Variants in PARP10 observed in about 807,000 individuals in gnomAD.
PARP10 encodes protein mono-ADP-ribosyltransferase PARP10.
Under a neutral mutation model 82.4 loss-of-function variants are expected in PARP10, and 56 were observed. That is an observed-to-expected ratio of 0.68 (90% confidence interval 0.55 to 0.85). The LOEUF (loss-of-function observed/expected upper bound fraction) is 0.85. PARP10 is among the 40% of genes least tolerant of loss of function. The pLI is 0.00. For missense variants in PARP10, 1,227 were observed against 1,379.4 expected (o/e 0.89, Z 1.75); for synonymous variants, 576 against 601.1 (o/e 0.96, Z 0.61).
At chr8:144,005,251 A>G (rs1554752010) in intron 1 of PARP10, among the ~76,000 whole-genome samples, 1 of 151,844 alleles carries the variant, frequency 6.6e-6, no homozygotes, top group East Asian at 1.9e-4. Flanking sequence ...ACCAAGTCCG[A>G]GATGAGCTGC....
At position 143,984,574 on chromosome 8, in the gene PARP10, T is replaced by C; in HGVS notation, c.1428A>G (p.Pro476=). Residue 476 remains proline, a synonymous_variant, in exon 5 of 11, where the codon CCA becomes CCG. Transcript: ENST00000313028. ...AGCCAGTCATATCCGGTCCTTCAAG[T>C]GGCAAGAGAGCGACGTCTCCCAGGC... ...LAGLGDVALL[P]LEGPDMTGFR... 6.2e-7 allele frequency: 1 copy of C among 1,613,156 alleles called. No individual in the cohort carries two copies. Among genetic ancestry groups the C allele is most frequent in the Non-Finnish European group, 8.5e-7 (1 of 1,179,544 alleles).
At position 143,997,334 on chromosome 8, in the gene PARP10, C is replaced by T. The variant is rs142281454; in HGVS notation, c.-79-10896G>A. Among the ~76,000 whole-genome samples the T allele has an allele frequency of 2.3e-3, 348 of 152,280 alleles. 2 individuals carry two copies. The highest frequency in any genetic ancestry group is 7.9e-3 in the African/African-American group (328 of 41,552). On this transcript the variant is annotated intron_variant, in intron 1 of 3. Coordinates refer to the PARP10 transcript ENST00000530478. The stretch of plus-strand genomic sequence containing the variant: ...GCCCTTTCACTGCAACTTCCAAACC[C>T]GAGGCTGTCGTGCAACTCCTTCCTC...
chr8:143,995,401 G>A (rs532761657), upstream of PARP10, among the ~76,000 whole-genome samples: 17 of 152,318 alleles, frequency 1.1e-4, no homozygotes, highest in African/African-American at 3.6e-4. Context: ...GGGCACAGCC[G>A]AAGGCCAGTG....
At position 143,982,938 on chromosome 8, in the gene PARP10, G is replaced by A. The variant is rs141811386; in HGVS notation, c.2550C>T (p.Val850=). The change falls in exon 9 of 11, where the codon GTC becomes GTT. Residue 850 remains valine (V), a synonymous_variant. Transcript: ENST00000313028. ...TLDAARSSIR[V]VRVERVSHPL... ...AGACAGGGCATGGACTCACACGAAC[G>A]ACGCGGATGCTGCTGCGGGCAGCGT... 92 of 1,613,552 alleles carry A rather than the reference G, an allele frequency of 5.7e-5. 1 individual carries two copies. Among genetic ancestry groups the A allele is most frequent in the Admixed American group, 2.7e-4 (16 of 60,006 alleles).
intron 1 of PARP10, among the ~76,000 whole-genome samples, chr8:144,006,419 G>A (rs1390531797): frequency 1.4e-4 from 22 of 152,370 alleles, no homozygotes; most frequent in African/African-American, 5.3e-4. Context: ...AGAAAGCTGG[G>A]AAGTGGTGCT....
chr8:143,989,270 C>T (rs1264875221), upstream of PARP10, among the ~76,000 whole-genome samples: 3 of 152,228 alleles, frequency 2.0e-5, no homozygotes, highest in Admixed American at 2.0e-4. This position sits in a 1 kb window ranked among gnomAD's most constrained non-coding sequence, Gnocchi z 4.3. Flanking sequence ...GGGAGCTAAG[C>T]AGGGAGGTGG....
At position 143,984,395 on chromosome 8, in the gene PARP10, C is replaced by G. The variant is rs777184990; in HGVS notation, c.1495G>C (p.Glu499Gln). 6 of 1,611,648 alleles carry G rather than the reference C, an allele frequency of 3.7e-6. No homozygotes were observed. The Admixed American group carries it at 5.0e-5, about 13-fold the overall frequency. Reference sequence around the variant, plus strand: ...CTGCCCAGCAGGCTCCGCAGAAACTCCTCAGCCGCCTGGCAGGAAGCCTGG... The same window carrying G: ...CTGCCCAGCAGGCTCCGCAGAAACTGCTCAGCCGCCTGGCAGGAAGCCTGG... ...GAQASCQAAEEFLRSLLGSIS... is the reference protein window; with the variant it reads ...GAQASCQAAEQFLRSLLGSIS... The change falls in exon 6 of 11, where the codon GAG (glutamate) becomes CAG (glutamine). Residue 499 changes from glutamate (E) to glutamine (Q), a missense_variant. Physicochemically the swap from Glu to Gln is conservative, Grantham distance 29. Transcript: ENST00000313028.
At position 143,984,200 on chromosome 8, in the gene PARP10, C is replaced by T; in HGVS notation, c.1680+10G>A. On this transcript the variant is annotated intron_variant, in intron 6 of 10. Coordinates refer to ENST00000313028, the MANE Select transcript of PARP10 (RefSeq NM_032789.5). ...GAAAGGGGAGGGCAGGGGTGGGACT[C>T]CATCTCTACCTCTTCAAGGCCTGTG... 1 of 1,607,622 alleles carries T rather than the reference C, an allele frequency of 6.2e-7. No homozygotes were observed. Among genetic ancestry groups the T allele is most frequent in the Non-Finnish European group, 8.5e-7 (1 of 1,174,868 alleles).
At position 143,978,969 on chromosome 8, in the gene PARP10, G is replaced by GT. The variant is rs5895791; in HGVS notation, c.2557-889dup. Among the ~76,000 whole-genome samples the GT allele has an allele frequency of 6.6e-3, 958 of 144,798 alleles. 9 individuals carry two copies. Among genetic ancestry groups the GT allele is most frequent in the Admixed American group, 0.032 (460 of 14,554 alleles). 95.0% of individuals were successfully genotyped at this position (144,798 alleles called of 152,430 possible). On this transcript the variant is annotated intron_variant, in intron 9 of 10. Transcript: ENST00000313028. ...TTCAGAGTGAAAGAAAACCCTGCAA[G>GT]TTTTTTTTTTTTTTTTTCTTTGAGA...
chr8:143,983,086 G>A, intron 8 of PARP10, 21 bp from the exon 9 acceptor site: 2 of 1,613,830 alleles, frequency 1.2e-6, no homozygotes, highest in Non-Finnish European at 1.7e-6. Flanking sequence ...GGGAAAAGCG[G>A]GGGGTCAGAG....
intron 1 of PARP10, among the ~76,000 whole-genome samples, chr8:143,997,557 T>A (rs1467623207): frequency 6.8e-6 from 1 of 146,608 alleles, no homozygotes; most frequent in African/African-American, 2.4e-5. Context: ...TAATCTAGCC[T>A]CAGCACCACA....
upstream of PARP10, chr8:143,992,947 C>T (rs1456915711): frequency 6.4e-6 from 6 of 937,066 alleles, no homozygotes; most frequent in Admixed American, 1.4e-4. Flanking sequence ...TCCCCAGGCA[C>T]AGCCTAGGGA....
chr8:143,984,031 C>G lies in PARP10; in HGVS notation c.1754G>C (p.Gly585Ala). 2.0e-6 allele frequency: 3 copies of G among 1,529,532 alleles called. No individual in the cohort carries two copies. Among genetic ancestry groups the G allele is most frequent in the Non-Finnish European group, 2.6e-6 (3 of 1,140,332 alleles). The allele number at this position is 1,529,532 out of a possible 1,614,324, so 94.7% of individuals were successfully genotyped here. A position where few individuals can be genotyped will look rare whatever the true frequency, so the allele number is the denominator to read the frequency against. ...ACCCAGGCTCACGTCCTCCTGGTCA[C>G]CACCTGTACTGTCTGGGGTCCACAG... ...HTLWTPDSTG[G>A]DQEDVSLEEV... The change falls in exon 7 of 11, where the codon GGT becomes GCT. Residue 585 changes from glycine to alanine, a missense_variant. Gly to Ala is a moderately conservative substitution (Grantham distance 60). Coordinates refer to ENST00000313028, the MANE Select transcript of PARP10 (RefSeq NM_032789.5).
intron 1 of PARP10, among the ~76,000 whole-genome samples, chr8:144,009,481 G>A (rs2133084535): frequency 6.6e-6 from 1 of 152,242 alleles, no homozygotes; most frequent in South Asian, 2.1e-4. Context: ...TAGGCACAGT[G>A]GGCTGAAGGC....
chr8:143,980,318 T>TAAAAAAAAAAAAAAAA lies in PARP10; in HGVS notation c.2557-2238_2557-2237insTTTTTTTTTTTTTTTT, dbSNP rs1564247548. ...CTGGGCTACTGAGTGAGATTCCGTCTCAAAAAAAAAAAAAAAAAAAAAAAA... is the reference window on the plus strand; with the variant it reads ...CTGGGCTACTGAGTGAGATTCCGTCTAAAAAAAAAAAAAAAACAAAAAAAAAAAAAAAAAAAAAAAA... On this transcript the variant is annotated intron_variant, in intron 9 of 10. Transcript: ENST00000313028. Among the ~76,000 whole-genome samples, 14 of 15,676 alleles carry TAAAAAAAAAAAAAAAA rather than the reference T, an allele frequency of 8.9e-4. 1 individual carries two copies. Among genetic ancestry groups the TAAAAAAAAAAAAAAAA allele is most frequent in the African/African-American group, 1.9e-3 (14 of 7,188 alleles). 10.3% of individuals were successfully genotyped at this position (15,676 alleles called of 152,430 possible). A position where few individuals can be genotyped will look rare whatever the true frequency, so the allele number is the denominator to read the frequency against.
intron 4 of PARP10, 35 bp downstream of exon 4, chr8:143,985,377 G>T (rs782376308): frequency 1.9e-6 from 3 of 1,594,132 alleles, no homozygotes; most frequent in African/African-American, 2.7e-5. Flanking sequence ...CTGCAGGAGA[G>T]GGACGGTCGG....
chr8:144,009,747 G>T (rs187980042), intron 1 of PARP10, among the ~76,000 whole-genome samples: 1 of 152,216 alleles, frequency 6.6e-6, no homozygotes, highest in Admixed American at 6.5e-5. Context: ...TATAACCAGA[G>T]GCTCCACCAC....
chr8:144,006,408 G>A (rs569695043), intron 1 of PARP10, among the ~76,000 whole-genome samples: 15 of 152,358 alleles, frequency 9.8e-5, no homozygotes, highest in East Asian at 1.9e-4. Context: ...GGCCCATAGC[G>A]AGAAAGCTGG....
At chr8:143,984,187 C>T in intron 6 of PARP10, 23 bp downstream of exon 6, 1 of 1,601,284 alleles carries the variant, frequency 6.2e-7, no homozygotes, top group East Asian at 2.2e-5. Context: ...AAGGGGAGGG[C>T]AGGGGTGGGA....
Sources: allele counts gnomAD v4.1 joint callset (sites outside exome capture counted in the v4.1 genomes callset), GRCh38; gene constraint gnomAD v4.1.1; non-coding constraint Gnocchi (gnomAD v3.1); transcripts MANE v1.5; gene names NCBI Gene and HGNC (gene_info 2026-07-23, HGNC 2026-07-21).